The following EPHB1 variants were observed in gnomAD, a reference collection of about 807,000 sequenced individuals.
EPHB1 encodes the protein EPH receptor B1.
A neutral mutation model predicts 94.4 loss-of-function variants in EPHB1; 30 were observed. The ratio of observed to expected loss-of-function variants is 0.32; its 90% CI spans 0.24 to 0.43. The LOEUF is 0.43. Among genes scored for constraint, EPHB1 ranks in the 20% least tolerant of loss-of-function variants. EPHB1 has a pLI of 1.00. For missense variants in EPHB1, 1,055 were observed against 1,308.3 expected (o/e 0.81, Z 2.99); for synonymous variants, 522 against 489.1 (o/e 1.07, Z -0.89).
At chr3:135,157,303 C>T (rs1171831678) in intron 6 of EPHB1, among the ~76,000 whole-genome samples, 1 of 152,184 alleles carries the variant, frequency 6.6e-6, no homozygotes, top group Non-Finnish European at 1.5e-5. Flanking sequence ...GGGTCAAGGG[C>T]TTAATGACAG....
chr3:135,172,637 C>G (rs1346917350), intron 9 of EPHB1, among the ~76,000 whole-genome samples: 1 of 152,234 alleles, frequency 6.6e-6, no homozygotes, highest in Non-Finnish European at 1.5e-5. Flanking sequence ...AAGTGCAGGT[C>G]AGGTGTGTCC....
intron 1 of EPHB1, among the ~76,000 whole-genome samples, chr3:134,798,296 A>G (rs1251926228): frequency 2.0e-5 from 3 of 152,164 alleles, no homozygotes; most frequent in African/African-American, 7.2e-5. Context: ...AGATGTGGCC[A>G]GAGGAAGGCA....
intron 3 of EPHB1, among the ~76,000 whole-genome samples, chr3:135,050,398 T>TA (rs1323593203): frequency 2.0e-5 from 3 of 152,200 alleles, no homozygotes; most frequent in Admixed American, 6.5e-5. Context: ...CTTATATGTT[T>TA]AAAAAATATA....
chr3:135,031,645 C>A (rs538388673), intron 3 of EPHB1, among the ~76,000 whole-genome samples: 2 of 152,298 alleles, frequency 1.3e-5, no homozygotes, highest in Non-Finnish European at 2.9e-5. Flanking sequence ...AGTAGAGTTA[C>A]ATTGTTATTT....
At chr3:135,188,036 TA>T in intron 10 of EPHB1, among the ~76,000 whole-genome samples, 1 of 151,782 alleles carries the variant, frequency 6.6e-6, no homozygotes, top group South Asian at 2.1e-4. Context: ...CTGTCTCTAC[TA>T]AAAATAAAAA....
chr3:134,825,303 A>G (rs998113462), intron 1 of EPHB1, among the ~76,000 whole-genome samples: 3 of 152,250 alleles, frequency 2.0e-5, no homozygotes, highest in Non-Finnish European at 4.4e-5. Flanking sequence ...GTTTGGCGAC[A>G]TAAATGTCAA....
intron 1 of EPHB1, among the ~76,000 whole-genome samples, chr3:134,844,847 C>T (rs1156702567): frequency 6.6e-6 from 1 of 152,192 alleles, no homozygotes; most frequent in Non-Finnish European, 1.5e-5. Context: ...CCTGCCTCCT[C>T]CCTCTGCTCT....
At chr3:135,039,242 C>T (rs1013287168) in intron 3 of EPHB1, among the ~76,000 whole-genome samples, 4 of 152,140 alleles carry the variant, frequency 2.6e-5, no homozygotes, top group Admixed American at 1.3e-4. Flanking sequence ...TAGAGAGTGT[C>T]GATTGGTGCA....
At chr3:135,053,021 G>GTATATATATA (rs1400909264) in intron 3 of EPHB1, among the ~76,000 whole-genome samples, 13 of 68,852 alleles carry the variant, frequency 1.9e-4, no homozygotes, top group East Asian at 1.1e-3. Flanking sequence ...ATATGTGTGT[G>GTATATATATA]TGTGTGTATA....
chr3:135,094,190 C>A (rs115049817), intron 3 of EPHB1, among the ~76,000 whole-genome samples: 1 of 152,190 alleles, frequency 6.6e-6, no homozygotes, highest in East Asian at 1.9e-4. Context: ...CAGCACACAG[C>A]GACATCAGCC....
chr3:135,173,370 A>G (rs546791499), intron 9 of EPHB1, among the ~76,000 whole-genome samples: 41 of 152,286 alleles, frequency 2.7e-4, no homozygotes, highest in African/African-American at 9.1e-4. Context: ...GCTATGGTCT[A>G]CTTTCCTTCT....
At chr3:135,121,708 C>T (rs561164774) in intron 4 of EPHB1, among the ~76,000 whole-genome samples, 47 of 152,104 alleles carry the variant, frequency 3.1e-4, no homozygotes, top group African/African-American at 1.1e-3. Context: ...CCTGGGAGAA[C>T]CTATACAGGA....
chr3:134,974,004 T>C (rs1185413056), intron 3 of EPHB1, among the ~76,000 whole-genome samples: 1 of 152,060 alleles, frequency 6.6e-6, no homozygotes, highest in Non-Finnish European at 1.5e-5. Flanking sequence ...CAGCAGGAAG[T>C]TGGTGATTTG....
chr3:135,089,486 C>T (rs959301046), intron 3 of EPHB1, among the ~76,000 whole-genome samples: 9 of 152,196 alleles, frequency 5.9e-5, no homozygotes, highest in East Asian at 1.9e-4. Flanking sequence ...AATTTTAACA[C>T]GTGGTGGGTA....
chr3:134,864,032 T>C (rs2108304899), intron 1 of EPHB1, among the ~76,000 whole-genome samples: 1 of 152,296 alleles, frequency 6.6e-6, no homozygotes, highest in Admixed American at 6.5e-5. Flanking sequence ...GGCTGTCTCA[T>C]TGGAAAAATG....
intron 3 of EPHB1, among the ~76,000 whole-genome samples, chr3:134,982,992 AT>A (rs1934464451): frequency 6.6e-6 from 1 of 152,222 alleles, no homozygotes; most frequent in African/African-American, 2.4e-5. Flanking sequence ...CTCTGTCCTT[AT>A]CAAAAGAACA....
Position 135,009,045 on chromosome 3 carries a change from C to T in EPHB1, c.805+56993C>T, listed in dbSNP as rs1935526165. Among the ~76,000 whole-genome samples the T allele has an allele frequency of 2.0e-5, 3 of 152,080 alleles. No individual in the cohort carries two copies. In the South Asian group the frequency reaches 6.2e-4, roughly 32 times the overall value. ...TGCAGAGTCCCAGGGCCATGGGTTG[C>T]CTGGAAGGAAAGGAACAGCATAAAC... On this transcript the variant is annotated intron_variant, in intron 3 of 15. Transcript: ENST00000398015.
At chr3:134,902,142 G>T (rs1165182749) in intron 1 of EPHB1, among the ~76,000 whole-genome samples, 1 of 152,190 alleles carries the variant, frequency 6.6e-6, no homozygotes, top group Non-Finnish European at 1.5e-5. Flanking sequence ...GTGCAAGAAA[G>T]GGGGCGAGAC....
intron 1 of EPHB1, among the ~76,000 whole-genome samples, chr3:134,817,067 G>A (rs2036286455): frequency 6.6e-6 from 1 of 152,114 alleles, no homozygotes; most frequent in Non-Finnish European, 1.5e-5. Context: ...GAAGGAGGCA[G>A]CCACTTGGAG....
Sources: gnomAD v4.1 joint callset for allele counts (sites outside exome capture counted in the v4.1 genomes callset) on GRCh38, gnomAD v4.1.1 for gene constraint, MANE v1.5 for transcripts, NCBI Gene and HGNC (gene_info 2026-07-23, HGNC 2026-07-21) for gene names.